The following NODAL variants were observed in gnomAD, a reference collection of about 807,000 sequenced individuals.
NODAL encodes nodal growth differentiation factor, also known as nodal homolog.
NODAL carries 12 observed loss-of-function variants against 34.0 expected under a neutral mutation model. The ratio of observed to expected loss-of-function variants is 0.35; its 90% CI spans 0.23 to 0.57. NODAL has a LOEUF of 0.57. NODAL is among the 20% of genes least tolerant of loss of function. The pLI, the probability that NODAL is intolerant of heterozygous loss-of-function variation, is 0.83. For missense variants in NODAL, 390 were observed against 444.2 expected, an observed-to-expected ratio of 0.88 and a Z score of 1.10; for synonymous variants, 162 against 186.4, an observed-to-expected ratio of 0.87 and a Z score of 1.07.
chr10:70,441,567 T>G lies in NODAL; in HGVS notation c.101A>C (p.Gln34Pro). The G allele has an allele frequency of 1.3e-6, 2 of 1,576,164 alleles. No homozygotes were observed. Among genetic ancestry groups the G allele is most frequent in the Non-Finnish European group, 1.7e-6 (2 of 1,162,750 alleles). ...CGCCAGAGGGGATGGCGACGAGGGC[T>G]GCCCCCGCGTACGCAGGAGCGCAGT... ...VATALLRTRG[Q>P]PSSPSPLAYM... Residue 34 changes from glutamine (Q) to proline (P), a missense_variant, in exon 1 of 3, where the codon CAG becomes CCG. By Grantham distance (76) the Gln-to-Pro change is moderately conservative (BLOSUM62 -1). Coordinates refer to ENST00000287139, the MANE Select transcript of NODAL (RefSeq NM_018055.5).
Position 70,432,828 on chromosome 10 carries a change from CT to C in NODAL, c.*107del. On this transcript the variant is annotated 3_prime_UTR_variant, in exon 3 of 3. Transcript: ENST00000287139. ...TCTTCAGTTCTGGTGGGCAGAGCAA[CT>C]TTGCCCCTCTCTGTTTCTCCTTACT... The C allele has an allele frequency of 7.4e-7, 1 of 1,355,720 alleles. No individual in the cohort carries two copies. Among genetic ancestry groups the C allele is most frequent in the African/African-American group, 1.4e-5 (1 of 70,066 alleles). The allele number at this position is 1,355,720 out of a possible 1,614,324, so 84.0% of individuals were successfully genotyped here.
At chr10:70,440,310 C>T (rs1014894567) in intron 1 of NODAL, among the ~76,000 whole-genome samples, 7 of 152,284 alleles carry the variant, frequency 4.6e-5, no homozygotes, top group East Asian at 1.9e-4. Context: ...CTCCCATCCC[C>T]GGCCGCTTTT....
upstream of NODAL, chr10:70,441,732 C>T: frequency 6.7e-7 from 1 of 1,489,292 alleles, no homozygotes. Context: ...AGCAGCCGCC[C>T]CGCCCCCACC....
upstream of NODAL, chr10:70,441,732 C>A (rs1480638564): frequency 1.3e-6 from 2 of 1,489,174 alleles, no homozygotes. Flanking sequence ...AGCAGCCGCC[C>A]CGCCCCCACC....
At chr10:70,439,896 C>A (rs910534266) in intron 1 of NODAL, among the ~76,000 whole-genome samples, 1 of 152,158 alleles carries the variant, frequency 6.6e-6, no homozygotes, top group African/African-American at 2.4e-5. Context: ...TATGGTGAAA[C>A]TCTGTGTCTA....
Position 70,441,513 on chromosome 10 carries a change from A to C in NODAL, c.155T>G (p.Leu52Arg). Residue 52 changes from leucine (L) to arginine (R), a missense_variant, in exon 1 of 3, where the codon CTG becomes CGG. Coordinates refer to ENST00000287139, the MANE Select transcript of NODAL (RefSeq NM_018055.5). ...GCTGCGGATGATGTCTGCCCTCGGCAGCGGGTCGCGGTAGAGGCTCAGCAT... is the reference window on the plus strand; with the variant it reads ...GCTGCGGATGATGTCTGCCCTCGGCCGCGGGTCGCGGTAGAGGCTCAGCAT... ...AYMLSLYRDP[L>R]PRADIIRSLQ... The C allele has an allele frequency of 6.3e-7, 1 of 1,595,174 alleles. No individual in the cohort carries two copies. Among genetic ancestry groups the C allele is most frequent in the Non-Finnish European group, 8.5e-7 (1 of 1,172,262 alleles).
At chr10:70,444,437 C>T (rs1845466910), upstream of NODAL, among the ~76,000 whole-genome samples, 1 of 151,258 alleles carries the variant, frequency 6.6e-6, no homozygotes, top group South Asian at 2.1e-4. Context: ...TCAAGTGATT[C>T]TCCTGCCTCA....
Position 70,441,469 on chromosome 10 carries a change from G to T in NODAL, c.193+6C>A. The T allele has an allele frequency of 6.4e-7, 1 of 1,573,160 alleles. No individual in the cohort carries two copies. ...CCAGCAGGGCGCGGCACGCGGCACT[G>T]CCTACCTTCTGCCTGTAGGCTGCGG... On this transcript the variant is annotated splice_donor_region_variant and intron_variant, in intron 1 of 2. Transcript: ENST00000287139.
chr10:70,438,024 T>A (rs1473467564), intron 1 of NODAL, among the ~76,000 whole-genome samples: 1 of 151,986 alleles, frequency 6.6e-6, no homozygotes, highest in Non-Finnish European at 1.5e-5. Context: ...GTGCGGTGGG[T>A]CACTCCTATA....
At position 70,441,679 on chromosome 10, in the gene NODAL, C is replaced by G; in HGVS notation, c.-12G>C. On this transcript the variant is annotated 5_prime_UTR_variant, in exon 1 of 3. Transcript: ENST00000287139. The stretch of plus-strand genomic sequence containing the variant: ...CAGTGGGCGTGCATGGTGGGCTGGC[C>G]AGGCCTGAAAGCAGCACCTCCAGCC... 1 of 1,548,696 alleles carries G rather than the reference C, an allele frequency of 6.5e-7. No individual in the cohort carries two copies. The highest frequency in any genetic ancestry group is 8.7e-7 in the Non-Finnish European group (1 of 1,146,916).
At chr10:70,447,006 T>G (rs1435735440) in intron 1 of NODAL, among the ~76,000 whole-genome samples, 2 of 151,950 alleles carry the variant, frequency 1.3e-5, no homozygotes, top group Non-Finnish European at 2.9e-5. Flanking sequence ...CAAGACACAG[T>G]TTAAAAGTCT....
chr10:70,433,142 T>C (rs1589151505), intron 2 of NODAL, 54 bp from the exon 3 acceptor site: 1 of 1,601,386 alleles, frequency 6.2e-7, no homozygotes, highest in East Asian at 2.2e-5. Flanking sequence ...CAGGTCAGAA[T>C]AGTATTTCTG....
chr10:70,435,377 T>A lies in NODAL; in HGVS notation c.800A>T (p.Tyr267Phe). 2 of 1,613,926 alleles carry A rather than the reference T, an allele frequency of 1.2e-6. No individual in the cohort carries two copies. The highest frequency in any genetic ancestry group is 1.7e-6 in the Non-Finnish European group (2 of 1,179,994). The part of the protein sequence containing the change: ...NLIGWGSWII[Y>F]PKQYNAYRCE... ...GCGATAGGCGTTGTACTGCTTGGGGTAGATGATCCAGGAGCCCCATCCGAT... is the reference window on the plus strand; with the variant it reads ...GCGATAGGCGTTGTACTGCTTGGGGAAGATGATCCAGGAGCCCCATCCGAT... The change falls in exon 2 of 3, where the codon TAC becomes TTC. Residue 267 changes from tyrosine to phenylalanine, a missense_variant. By Grantham distance (22) the Tyr-to-Phe change is conservative. Transcript: ENST00000287139.
At chr10:70,443,197 A>AG (rs1564669767), upstream of NODAL, among the ~76,000 whole-genome samples, 1 of 152,222 alleles carries the variant, frequency 6.6e-6, no homozygotes, top group Admixed American at 6.5e-5. Context: ...AGGAGCTCCA[A>AG]GCCTTTGTCC....
Position 70,441,530 on chromosome 10 carries a change from G to A in NODAL, c.138C>T (p.Ser46=), listed in dbSNP as rs1379395058. 6.3e-7 allele frequency: 1 copy of A among 1,595,510 alleles called. No individual in the cohort carries two copies. Among genetic ancestry groups the A allele is most frequent in the Admixed American group, 1.7e-5 (1 of 57,694 alleles). The change falls in exon 1 of 3, where the codon AGC becomes AGT. Residue 46 remains serine, a synonymous_variant. Transcript: ENST00000287139. ...CCCTCGGCAGCGGGTCGCGGTAGAG[G>A]CTCAGCATGTACGCCAGAGGGGATG... ...SSPSPLAYML[S]LYRDPLPRAD...
chr10:70,439,007 C>T (rs1435855750), intron 1 of NODAL, among the ~76,000 whole-genome samples: 1 of 152,076 alleles, frequency 6.6e-6, no homozygotes, highest in Admixed American at 6.6e-5. Flanking sequence ...CCTGGCCCAC[C>T]TCCAGTTCTT....
Position 70,435,829 on chromosome 10 carries a change from C to G in NODAL, c.348G>C (p.Gln116His), listed in dbSNP as rs1191284806. 1 of 1,614,116 alleles carries G rather than the reference C, an allele frequency of 6.2e-7. No homozygotes were observed. ...AAGCCTGCTCTGTGTCGGGCTTTGG[C>G]TGGTGGAAAATCTCAATGGCAAGTG... The part of the protein sequence containing the change: ...EGSLAIEIFH[Q>H]PKPDTEQASD... Residue 116 changes from glutamine to histidine, a missense_variant, in exon 2 of 3, where the codon CAG becomes CAC. Gln to His is a conservative substitution (Grantham distance 24). Coordinates refer to ENST00000287139, the MANE Select transcript of NODAL (RefSeq NM_018055.5).
upstream of NODAL, among the ~76,000 whole-genome samples, chr10:70,442,964 G>T (rs1589155017): frequency 6.6e-6 from 1 of 152,172 alleles, no homozygotes. Context: ...GTGTGCGCCT[G>T]TAGTCCCAGC....
upstream of NODAL, among the ~76,000 whole-genome samples, chr10:70,441,994 C>A (rs956266781): frequency 5.3e-5 from 8 of 152,170 alleles, no homozygotes; most frequent in Non-Finnish European, 1.2e-4. Flanking sequence ...CCGGCAGATT[C>A]CCAGGTCAGA....
Sources: allele counts gnomAD v4.1 joint callset (sites outside exome capture counted in the v4.1 genomes callset), GRCh38; gene constraint gnomAD v4.1.1; transcripts MANE v1.5; gene names NCBI Gene and HGNC (gene_info 2026-07-23, HGNC 2026-07-21).